PIK3CB: variants seen among roughly 807,000 people sequenced by gnomAD.
The protein encoded by PIK3CB is phosphatidylinositol-4,5-bisphosphate 3-kinase catalytic subunit beta.
In PIK3CB, 39 loss-of-function variants were observed where a neutral mutation model predicts 136.8. The observed-to-expected ratio is 0.29, with a 90% CI of 0.22 to 0.37. The LOEUF is 0.37. PIK3CB is among the 10% of genes least tolerant of loss of function. The probability of loss-of-function intolerance (pLI) is 1.00; values close to 1 mark genes in which losing one functional copy is unlikely to be tolerated. For synonymous variants in PIK3CB, 428 were observed against 436.6 expected, an observed-to-expected ratio of 0.98 and a Z score of 0.25; for missense variants, 868 against 1,275.4, an observed-to-expected ratio of 0.68 and a Z score of 4.87.
chr3:138,784,367 G>A (rs1236317098), intron 2 of PIK3CB, among the ~76,000 whole-genome samples: 1 of 152,162 alleles, frequency 6.6e-6, no homozygotes, highest in Non-Finnish European at 1.5e-5. Flanking sequence ...GGGCAACAGA[G>A]AGAGACTCTG....
At chr3:138,808,516 CTACAAAGAAAAA>C (rs1468504145) in intron 1 of PIK3CB, among the ~76,000 whole-genome samples, 1 of 151,896 alleles carries the variant, frequency 6.6e-6, no homozygotes, top group African/African-American at 2.4e-5. Context: ...TAGTGTGTCT[CTACAAAGAAAAA>C]TACAGAGCCA....
chr3:138,681,205 C>T (rs2043773830), intron 19 of PIK3CB, among the ~76,000 whole-genome samples: 1 of 151,794 alleles, frequency 6.6e-6, no homozygotes, highest in Admixed American at 6.6e-5. Flanking sequence ...TGCTCCACGC[C>T]TGGCTAACTT....
At chr3:138,693,966 T>TATATATATATATATATATATATA (rs1457395869) in intron 14 of PIK3CB, among the ~76,000 whole-genome samples, 2 of 42,406 alleles carry the variant, frequency 4.7e-5, no homozygotes, top group African/African-American at 1.4e-4. Flanking sequence ...TATATATATA[T>TATATATATATATATATATATATA]TATATATATA....
intron 9 of PIK3CB, among the ~76,000 whole-genome samples, chr3:138,712,596 T>TA (rs1217599001): frequency 6.8e-6 from 1 of 147,790 alleles, no homozygotes; most frequent in Non-Finnish European, 1.5e-5. Context: ...TGAGATGGAG[T>TA]CCCACTCTGT....
chr3:138,655,529 A>C lies in PIK3CB; in HGVS notation c.3076-3T>G. On this transcript the variant is annotated splice_region_variant and splice_polypyrimidine_tract_variant and intron_variant, in intron 23 of 23. Transcript: ENST00000674063. The stretch of plus-strand genomic sequence containing the variant: ...CTCTTCCCTAATGCAAGAGAGTCCT[A>C]AAATGGAAGGGGGAAAATATGATTT... 1 of 1,606,376 alleles carries C rather than the reference A, an allele frequency of 6.2e-7. No individual in the cohort carries two copies. The highest frequency in any genetic ancestry group is 8.5e-7 in the Non-Finnish European group (1 of 1,173,086).
At chr3:138,778,760 GA>G (rs1036374518) in intron 2 of PIK3CB, 3 of 276,134 alleles carry the variant, frequency 1.1e-5, no homozygotes, top group African/African-American at 6.8e-5. Context: ...GTATGACAAT[GA>G]ATTTGGCTAC....
At chr3:138,798,411 C>T (rs557328321) in intron 1 of PIK3CB, among the ~76,000 whole-genome samples, 2 of 152,168 alleles carry the variant, frequency 1.3e-5, no homozygotes, top group Non-Finnish European at 1.5e-5. Flanking sequence ...GATCCACCCA[C>T]GTCAGCCTCC....
At chr3:138,684,897 T>G in intron 16 of PIK3CB, 94 bp from the exon 17 acceptor site, 3 of 807,536 alleles carry the variant, frequency 3.7e-6, no homozygotes, top group Non-Finnish European at 5.9e-6. Context: ...GCTCCCAACA[T>G]ATACACATAA....
chr3:138,781,346 G>A (rs2045921296), intron 2 of PIK3CB, among the ~76,000 whole-genome samples: 1 of 151,944 alleles, frequency 6.6e-6, no homozygotes, highest in African/African-American at 2.4e-5. Context: ...AGGCATGGTG[G>A]CTCATAGCTG....
rs552570803 is a variant in PIK3CB at position 138,716,828 on chromosome 3, G to A, written c.1051-2109C>T. Among the ~76,000 whole-genome samples, 414 of 141,662 alleles carry A rather than the reference G, an allele frequency of 2.9e-3. 4 individuals are homozygous for A. The highest frequency in any genetic ancestry group is 0.01 in the African/African-American group (393 of 37,750). The allele number at this position is 141,662 out of a possible 152,430, so 92.9% of individuals were successfully genotyped here. A position where few individuals can be genotyped will look rare whatever the true frequency, so the allele number is the denominator to read the frequency against. ...GAAGAATCACTTGAACCCAGGAGGC[G>A]GGTTGCAGTGAGCCAAGACTGAACC... is the stretch of plus-strand genomic sequence containing the variant. On this transcript the variant is annotated intron_variant, in intron 8 of 23. Transcript: ENST00000674063.
chr3:138,762,257 A>C (rs575270991), intron 2 of PIK3CB, among the ~76,000 whole-genome samples: 2 of 152,288 alleles, frequency 1.3e-5, no homozygotes, highest in East Asian at 1.9e-4. Context: ...CTCAAAAAAA[A>C]CAAAAAACAA....
chr3:138,693,107 T>G (rs1313826396), intron 14 of PIK3CB, among the ~76,000 whole-genome samples: 1 of 152,208 alleles, frequency 6.6e-6, no homozygotes, highest in African/African-American at 2.4e-5. Flanking sequence ...TTGTATTTTA[T>G]TTTTTGAGAC....
intron 2 of PIK3CB, among the ~76,000 whole-genome samples, chr3:138,783,457 T>C (rs79985616): frequency 0.031 from 4,744 of 152,112 alleles, 254 homozygotes; most frequent in African/African-American, 0.11. Context: ...TTTCATTTTT[T>C]GTAGAGACAA....
intron 1 of PIK3CB, among the ~76,000 whole-genome samples, chr3:138,827,968 A>G (rs1244469303): frequency 1.3e-5 from 2 of 151,746 alleles, no homozygotes; most frequent in Non-Finnish European, 2.9e-5. Context: ...AACCTGGGTG[A>G]CAGAGCGAGA....
chr3:138,707,785 G>A (rs1288566816), intron 10 of PIK3CB, among the ~76,000 whole-genome samples: 1 of 152,030 alleles, frequency 6.6e-6, no homozygotes, highest in Non-Finnish European at 1.5e-5. Flanking sequence ...ACCTTCTCTG[G>A]TAGCCTCTGG....
At chr3:138,822,808 A>AAT (rs879654137) in intron 1 of PIK3CB, among the ~76,000 whole-genome samples, 20 of 147,810 alleles carry the variant, frequency 1.4e-4, no homozygotes, top group African/African-American at 3.5e-4. Context: ...CGCCACTGCA[A>AAT]ATATATATAT....
chr3:138,710,392 T>C (rs2044472740), intron 10 of PIK3CB, among the ~76,000 whole-genome samples: 1 of 152,190 alleles, frequency 6.6e-6, no homozygotes, highest in South Asian at 2.1e-4. Context: ...TGACAACTGC[T>C]AGTACATGAA....
intron 2 of PIK3CB, chr3:138,778,758 A>G (rs564962852): frequency 5.4e-5 from 15 of 276,772 alleles, no homozygotes; most frequent in Admixed American, 3.4e-4. Context: ...TGGTATGACA[A>G]TGAATTTGGC....
chr3:138,693,833 C>G lies in PIK3CB; in HGVS notation c.1892+953G>C, dbSNP rs1158380802. Among the ~76,000 whole-genome samples the G allele has an allele frequency of 3.3e-5, 5 of 149,692 alleles. No individual in the cohort carries two copies. The East Asian group carries it at 9.8e-4, about 29-fold the overall frequency. ...AAAATGTGATATAGAAGCATACACACCAAATTCATGATAATGTTTGCCTCT... is the reference window on the plus strand; with the variant it reads ...AAAATGTGATATAGAAGCATACACAGCAAATTCATGATAATGTTTGCCTCT... On this transcript the variant is annotated intron_variant, in intron 14 of 23. Coordinates refer to ENST00000674063, the MANE Select transcript of PIK3CB (RefSeq NM_006219.3).
Sources: gnomAD v4.1 joint callset for allele counts (sites outside exome capture counted in the v4.1 genomes callset) on GRCh38, gnomAD v4.1.1 for gene constraint, MANE v1.5 for transcripts, NCBI Gene and HGNC (gene_info 2026-07-23, HGNC 2026-07-21) for gene names.